The following GNB4 variants were observed in gnomAD, a reference collection of about 807,000 sequenced individuals.
GNB4 encodes the protein guanine nucleotide-binding protein subunit beta-4.
A neutral mutation model predicts 45.2 loss-of-function variants in GNB4; 28 were observed. That is an observed-to-expected ratio of 0.62 (90% CI 0.46 to 0.85). GNB4 has a LOEUF of 0.85. Among genes scored for constraint, GNB4 ranks in the 40% least tolerant of loss-of-function variants. The pLI is 0.00. For missense variants in GNB4, 321 were observed against 425.4 expected (o/e 0.75, Z 2.16); for synonymous variants, 132 against 143.7 (o/e 0.92, Z 0.58).
At chr3:179,495,488 TAAAGAAAGAAAGA>T in the GNB4 span, among the ~76,000 whole-genome samples, 2 of 93,136 alleles carry the variant, frequency 2.1e-5, no homozygotes, top group African/African-American at 8.2e-5. Context: ...AAGAAAGAAG[TAAAGAAAGAAAGA>T]AAAGAAAGGA....
At chr3:179,489,824 T>C in the GNB4 span, among the ~76,000 whole-genome samples, 1 of 152,230 alleles carries the variant, frequency 6.6e-6, no homozygotes, top group African/African-American at 2.4e-5. Flanking sequence ...ATCTATTTTC[T>C]ATTTCTATGA....
intron 4 of GNB4, among the ~76,000 whole-genome samples, chr3:179,418,252 C>G (rs1332599895): frequency 1.3e-5 from 2 of 151,802 alleles, no homozygotes; most frequent in Non-Finnish European, 2.9e-5. Context: ...GTTGGATCAC[C>G]TGAGGTCAGG....
the GNB4 span, among the ~76,000 whole-genome samples, chr3:179,470,093 A>T: frequency 6.6e-6 from 1 of 152,236 alleles, no homozygotes; most frequent in Non-Finnish European, 1.5e-5. Context: ...CTGTTGTATA[A>T]AAGTATAGCA....
upstream of GNB4, among the ~76,000 whole-genome samples, chr3:179,454,497 T>G (rs1715949007): frequency 6.6e-6 from 1 of 152,188 alleles, no homozygotes; most frequent in South Asian, 2.1e-4. Flanking sequence ...GCAGGGTGTT[T>G]TGCTTCACTA....
chr3:179,415,075 A>T (rs1714758436), intron 5 of GNB4, 28 bp from the exon 6 acceptor site: 1 of 1,514,268 alleles, frequency 6.6e-7, no homozygotes, highest in Admixed American at 1.8e-5. Flanking sequence ...CACATCACTC[A>T]GATTACAAAA....
the GNB4 span, among the ~76,000 whole-genome samples, chr3:179,501,998 T>C: frequency 2.6e-5 from 4 of 152,140 alleles, no homozygotes; most frequent in African/African-American, 7.2e-5. Context: ...ATAACCATTT[T>C]GTCATATTTT....
chr3:179,474,409 A>G, the GNB4 span, among the ~76,000 whole-genome samples: 2 of 152,042 alleles, frequency 1.3e-5, no homozygotes, highest in Non-Finnish European at 2.9e-5. Context: ...TTTTTAGTAG[A>G]GATGAGGTTT....
At chr3:179,447,707 G>A (rs1715772361) in intron 1 of GNB4, among the ~76,000 whole-genome samples, 1 of 152,168 alleles carries the variant, frequency 6.6e-6, no homozygotes, top group Non-Finnish European at 1.5e-5. Flanking sequence ...GGTGGTGGCA[G>A]TGCAGGTGAT....
intron 4 of GNB4, among the ~76,000 whole-genome samples, chr3:179,417,493 C>T (rs185412008): frequency 3.3e-5 from 5 of 151,834 alleles, no homozygotes; most frequent in East Asian, 3.9e-4. Flanking sequence ...CTGCAACCTC[C>T]GCCTCTCAGG....
At chr3:179,434,234 A>G (rs1223078786) in intron 1 of GNB4, among the ~76,000 whole-genome samples, 1 of 152,216 alleles carries the variant, frequency 6.6e-6, no homozygotes, top group Non-Finnish European at 1.5e-5. Flanking sequence ...AGGAGAACTG[A>G]TCACTGTAGT....
chr3:179,436,106 G>A (rs1324716396), intron 1 of GNB4, among the ~76,000 whole-genome samples: 17 of 152,190 alleles, frequency 1.1e-4, no homozygotes, highest in Admixed American at 1.1e-3. Flanking sequence ...CTTTAAAAAT[G>A]TAAGGATAGG....
At chr3:179,411,448 A>G (rs1714648340) in intron 8 of GNB4, among the ~76,000 whole-genome samples, 2 of 150,082 alleles carry the variant, frequency 1.3e-5, no homozygotes, top group African/African-American at 4.9e-5. Flanking sequence ...TTTGTAAAAG[A>G]TGGTACTAAT....
At chr3:179,408,012 G>C (rs1714526288) in intron 8 of GNB4, among the ~76,000 whole-genome samples, 2 of 152,122 alleles carry the variant, frequency 1.3e-5, no homozygotes, top group Admixed American at 1.3e-4. Context: ...ACCCTATAAT[G>C]ATCAAATAGT....
At chr3:179,477,811 A>G in the GNB4 span, among the ~76,000 whole-genome samples, 1,348 of 151,528 alleles carry the variant, frequency 8.9e-3, 32 homozygotes, top group African/African-American at 0.031. Context: ...CATTCACGAC[A>G]CTCTAGGTTT....
chr3:179,434,625 G>A (rs1715395689), intron 1 of GNB4, among the ~76,000 whole-genome samples: 1 of 151,868 alleles, frequency 6.6e-6, no homozygotes, highest in Non-Finnish European at 1.5e-5. Flanking sequence ...GGAGGCTGAG[G>A]CATGAGAATT....
intron 2 of GNB4, among the ~76,000 whole-genome samples, chr3:179,425,712 C>T (rs1246968713): frequency 6.6e-6 from 1 of 152,156 alleles, no homozygotes; most frequent in Admixed American, 6.5e-5. Context: ...CTCAGGTGAT[C>T]CACCTGCCTC....
At chr3:179,440,796 G>A (rs1715573560) in intron 1 of GNB4, among the ~76,000 whole-genome samples, 1 of 151,978 alleles carries the variant, frequency 6.6e-6, no homozygotes, top group Non-Finnish European at 1.5e-5. Flanking sequence ...AAAACCTAAT[G>A]CAGAGTACAT....
the GNB4 span, among the ~76,000 whole-genome samples, chr3:179,510,528 C>T: frequency 6.6e-6 from 1 of 151,858 alleles, no homozygotes; most frequent in African/African-American, 2.4e-5. Context: ...AGGCCTGAGC[C>T]TTGAGGAAAG....
intron 4 of GNB4, 111 bp from the exon 5 acceptor site, chr3:179,416,667 T>A: frequency 1.8e-6 from 1 of 564,872 alleles, no homozygotes; most frequent in Non-Finnish European, 3.0e-6. Flanking sequence ...TTTTTCCAAC[T>A]AAAAACTTGA....
Sources: gnomAD v4.1 joint callset for allele counts (sites outside exome capture counted in the v4.1 genomes callset) on GRCh38, gnomAD v4.1.1 for gene constraint, MANE v1.5 for transcripts, NCBI Gene and HGNC (gene_info 2026-07-23, HGNC 2026-07-21) for gene names.